PPM1E: variants seen among roughly 807,000 people sequenced by gnomAD.
PPM1E encodes the protein protein phosphatase 1E.
Under a neutral mutation model 65.9 loss-of-function variants are expected in PPM1E, and 20 were observed. That is an observed-to-expected ratio of 0.30 (90% CI 0.21 to 0.44). The LOEUF is 0.44. Among genes scored for constraint, PPM1E ranks in the 20% least tolerant of loss-of-function variants. PPM1E has a pLI of 1.00. For synonymous variants in PPM1E, 352 were observed against 374.9 expected, an observed-to-expected ratio of 0.94 and a Z score of 0.70; for missense variants, 713 against 953.1, an observed-to-expected ratio of 0.75 and a Z score of 3.32.
intron 1 of PPM1E, among the ~76,000 whole-genome samples, chr17:58,756,685 A>C (rs928241295): frequency 6.9e-6 from 1 of 145,432 alleles, no homozygotes; most frequent in Non-Finnish European, 1.5e-5. Context: ...CACGCCTCCT[A>C]CCCGGCCTTG....
intron 6 of PPM1E, among the ~76,000 whole-genome samples, chr17:58,973,372 G>A (rs2030766986): frequency 1.3e-5 from 2 of 150,096 alleles, no homozygotes; most frequent in South Asian, 2.1e-4. Context: ...AGTGGAGATC[G>A]CGCCATTGCA....
At chr17:58,802,543 A>G (rs1211298537) in intron 1 of PPM1E, among the ~76,000 whole-genome samples, 1 of 152,126 alleles carries the variant, frequency 6.6e-6, no homozygotes, top group Non-Finnish European at 1.5e-5. Flanking sequence ...TAATATACAA[A>G]TGTTAGGGGT....
chr17:58,922,217 G>A (rs541972176), intron 1 of PPM1E, among the ~76,000 whole-genome samples: 1 of 151,184 alleles, frequency 6.6e-6, no homozygotes, highest in South Asian at 2.1e-4. Context: ...AACACTAAAG[G>A]CTCATTTAAC....
In PPM1E at chr17:58,980,586, T is replaced by C. The variant is rs2143824539; in HGVS notation, c.1823T>C (p.Met608Thr). 2 of 1,614,188 alleles carry C rather than the reference T, an allele frequency of 1.2e-6. No individual in the cohort carries two copies. The highest frequency in any genetic ancestry group is 2.2e-5 in the South Asian group (2 of 91,076). The change falls in exon 7 of 7, where the codon ATG becomes ACG. Residue 608 changes from methionine (M) to threonine (T), a missense_variant. Around this residue, in one of 6 missense-constraint regions of PPM1E, gnomAD observed 286 missense variants for 313.8 expected, o/e 0.91. Transcript: ENST00000308249. This position sits in a 1 kb window ranked among gnomAD's most constrained non-coding sequence, Gnocchi z 4.7. ...KKANLINELM[M>T]EKKSVQSSLP... ...GCAAATCTTATTAATGAGTTAATGA[T>C]GGAGAAAAAATCAGTTCAGTCATCA...
chr17:58,812,732 T>G lies in PPM1E; in HGVS notation c.464+56271T>G, dbSNP rs184460605. ...CCATGCCCAGCTAATTTTTTGTTTT[T>G]TGTTTTTGTTTTTTAGTAGAGATCG... On this transcript the variant is annotated intron_variant, in intron 1 of 6. Coordinates refer to ENST00000308249, the MANE Select transcript of PPM1E (RefSeq NM_014906.5). Among the ~76,000 whole-genome samples, 265 of 152,218 alleles carry G rather than the reference T, an allele frequency of 1.7e-3. 4 individuals carry two copies. The East Asian group carries it at 0.035, about 20-fold the overall frequency.
At chr17:58,930,024 G>A (rs1184496167) in intron 1 of PPM1E, among the ~76,000 whole-genome samples, 2 of 151,974 alleles carry the variant, frequency 1.3e-5, no homozygotes, top group Admixed American at 6.6e-5. Context: ...AAATTTACTT[G>A]TTTTGTTTAC....
At chr17:58,853,330 T>C (rs1223889186) in intron 1 of PPM1E, among the ~76,000 whole-genome samples, 1 of 152,174 alleles carries the variant, frequency 6.6e-6, no homozygotes, top group East Asian at 1.9e-4. Flanking sequence ...CTTGTGGATA[T>C]CCAGTTTTTC....
At chr17:58,848,458 G>A (rs2050793210) in intron 1 of PPM1E, among the ~76,000 whole-genome samples, 1 of 152,146 alleles carries the variant, frequency 6.6e-6, no homozygotes, top group South Asian at 2.1e-4. Flanking sequence ...TCAATACCTA[G>A]TTTATTGAGA....
At chr17:58,959,703 G>A (rs1190473497) in intron 2 of PPM1E, among the ~76,000 whole-genome samples, 1 of 148,098 alleles carries the variant, frequency 6.8e-6, no homozygotes, top group East Asian at 2.0e-4. Flanking sequence ...TAAAATATTT[G>A]TATATTGAGT....
intron 1 of PPM1E, chr17:58,785,458 T>TTATGTATATATATATATA (rs2050089651): frequency 1.1e-5 from 1 of 88,990 alleles, no homozygotes; most frequent in Non-Finnish European, 2.0e-5. Flanking sequence ...CCTGGCTAAT[T>TTATGTATATATATATATA]TATATATATA....
At chr17:58,862,438 A>G (rs994365694) in intron 1 of PPM1E, among the ~76,000 whole-genome samples, 5 of 152,192 alleles carry the variant, frequency 3.3e-5, no homozygotes, top group African/African-American at 7.2e-5. Flanking sequence ...GAACTCCCCA[A>G]TTTGAAATAA....
chr17:58,816,110 C>G (rs1166337022), intron 1 of PPM1E, among the ~76,000 whole-genome samples: 1 of 152,012 alleles, frequency 6.6e-6, no homozygotes, highest in Non-Finnish European at 1.5e-5. Flanking sequence ...ACTGCAACCT[C>G]CGCCTCCTGG....
intron 1 of PPM1E, among the ~76,000 whole-genome samples, chr17:58,909,503 C>A (rs1207946147): frequency 6.6e-6 from 1 of 152,162 alleles, no homozygotes; most frequent in East Asian, 1.9e-4. Flanking sequence ...ACTGATCCCC[C>A]CATAGCACTG....
intron 1 of PPM1E, among the ~76,000 whole-genome samples, chr17:58,801,176 T>A (rs1179635168): frequency 6.6e-6 from 1 of 152,162 alleles, no homozygotes; most frequent in Non-Finnish European, 1.5e-5. Context: ...GATTAGGTCA[T>A]GTTGGTTGTT....
At chr17:58,960,119 C>T (rs1279912714) in intron 2 of PPM1E, among the ~76,000 whole-genome samples, 3 of 152,194 alleles carry the variant, frequency 2.0e-5, no homozygotes, top group African/African-American at 7.2e-5. Context: ...TTCAAGGCAT[C>T]AAGTGATCTC....
chr17:58,973,033 C>G (rs2030739432), intron 6 of PPM1E, 108 bp downstream of exon 6: 2 of 674,426 alleles, frequency 3.0e-6, no homozygotes, highest in Admixed American at 6.0e-5. Flanking sequence ...TACCAGAATG[C>G]TTATTATTCT....
chr17:58,756,130 T>TCCGAGC lies in PPM1E; in HGVS notation c.144_149dup (p.Pro51_Glu52dup), dbSNP rs781412388. 6.9e-4 allele frequency: 517 copies of TCCGAGC among 754,642 alleles called. 1 individual carries two copies. In the East Asian group the frequency reaches 0.011, roughly 17 times the overall value. 46.7% of individuals were successfully genotyped at this position (754,642 alleles called of 1,614,324 possible). ...ACCCGAACCCGAACCCGAACCCGAG[T>TCCGAGC]CCGAGCCCGAGCCCGAACCTGAACT... On this transcript the variant is annotated inframe_insertion, in exon 1 of 7. Coordinates refer to ENST00000308249, the MANE Select transcript of PPM1E (RefSeq NM_014906.5).
chr17:58,816,769 T>G (rs866489460), intron 1 of PPM1E, among the ~76,000 whole-genome samples: 1 of 15,918 alleles, frequency 6.3e-5, no homozygotes, highest in African/African-American at 2.2e-4. Context: ...TATATATATA[T>G]ATATATATAT....
intron 1 of PPM1E, among the ~76,000 whole-genome samples, chr17:58,851,870 TC>T (rs1194118774): frequency 1.3e-5 from 2 of 152,330 alleles, no homozygotes; most frequent in African/African-American, 4.8e-5. Flanking sequence ...TATGCCCTGC[TC>T]CCAGAGGTGG....
Sources: allele counts gnomAD v4.1 joint callset (sites outside exome capture counted in the v4.1 genomes callset), GRCh38; gene constraint gnomAD v4.1.1; regional missense constraint gnomAD v4.1.1; non-coding constraint Gnocchi (gnomAD v3.1); transcripts MANE v1.5; gene names NCBI Gene and HGNC (gene_info 2026-07-23, HGNC 2026-07-21).